Variants in BBS9 observed in about 807,000 individuals in gnomAD.
BBS9 encodes the protein Bardet-Biedl syndrome 9, also known as protein PTHB1.
A neutral mutation model predicts 117.7 loss-of-function variants in BBS9; 89 were observed. The ratio of observed to expected loss-of-function variants is 0.76; its 90% confidence interval spans 0.64 to 0.90. The LOEUF (loss-of-function observed/expected upper bound fraction) is 0.90, where lower values mean the gene tolerates loss of function less well. Among genes scored for constraint, BBS9 ranks in the 40% least tolerant of loss-of-function variants. BBS9 has a pLI of 0.00. For synonymous variants in BBS9, 379 were observed against 370.9 expected, an observed-to-expected ratio of 1.02 and a Z score of -0.25; for missense variants, 982 against 1,042.2, an observed-to-expected ratio of 0.94 and a Z score of 0.80.
chr7:33,520,835 T>C (rs1007498966), intron 20 of BBS9, among the ~76,000 whole-genome samples: 6 of 152,214 alleles, frequency 3.9e-5, no homozygotes, highest in Admixed American at 1.3e-4. Context: ...TGGTAATTTA[T>C]CACTATCTTG....
At chr7:33,523,275 T>A (rs2129045144) in intron 20 of BBS9, among the ~76,000 whole-genome samples, 1 of 146,026 alleles carries the variant, frequency 6.8e-6, no homozygotes, top group African/African-American at 2.6e-5. Flanking sequence ...TTTTTTCCAA[T>A]TCTGTGAAGA....
intron 12 of BBS9, among the ~76,000 whole-genome samples, chr7:33,347,892 C>T (rs1817895355): frequency 1.3e-5 from 2 of 151,690 alleles, no homozygotes; most frequent in South Asian, 2.1e-4. Context: ...ACTGAACTGC[C>T]GTATAGAAAA....
chr7:33,385,759 TAC>T (rs1825890387), intron 18 of BBS9, among the ~76,000 whole-genome samples: 1 of 152,070 alleles, frequency 6.6e-6, no homozygotes, highest in Non-Finnish European at 1.5e-5. Flanking sequence ...ATATTTTTAT[TAC>T]AGGAAATAAA....
At chr7:33,455,731 A>T (rs1264236201) in intron 19 of BBS9, among the ~76,000 whole-genome samples, 3 of 152,174 alleles carry the variant, frequency 2.0e-5, no homozygotes, top group African/African-American at 7.2e-5. Context: ...CCGTGTCTGA[A>T]TTGGGTCCCC....
At chr7:33,438,090 TG>T (rs755327584) in intron 19 of BBS9, among the ~76,000 whole-genome samples, 1 of 152,206 alleles carries the variant, frequency 6.6e-6, no homozygotes, top group African/African-American at 2.4e-5. Flanking sequence ...GAACATATTG[TG>T]GTGTTTTTAT....
chr7:33,344,287 T>A (rs933987133), intron 11 of BBS9, among the ~76,000 whole-genome samples: 2 of 151,686 alleles, frequency 1.3e-5, no homozygotes, highest in Non-Finnish European at 2.9e-5. Context: ...TTCACGGTGG[T>A]CTCGATCTCC....
intron 21 of BBS9, among the ~76,000 whole-genome samples, chr7:33,597,337 A>G (rs1369154568): frequency 6.6e-6 from 1 of 152,160 alleles, no homozygotes; most frequent in Non-Finnish European, 1.5e-5. Context: ...GCTGTTTTTA[A>G]TTCTTAGTGG....
rs1300826416 is a variant in BBS9 at position 33,129,817 on chromosome 7, GC to G, written c.-235del. ...GGGGGAATCACTCCAACTCTGTGGA[GC>G]TGGTGGTGCTGCCTGGTGGGGCTCT... is the stretch of plus-strand genomic sequence containing the variant. On this transcript the variant is annotated 5_prime_UTR_variant, in exon 1 of 23. The change abolishes the stop of an existing upstream ORF in the 5' untranslated region. Transcript: ENST00000242067. 6.6e-6 allele frequency: 1 copy of G among 152,232 alleles called. No individual in the cohort carries two copies. The highest frequency in any genetic ancestry group is 1.5e-5 in the Non-Finnish European group (1 of 68,104). The allele number at this position is 152,232 out of a possible 1,614,324, so 9.4% of individuals were successfully genotyped here.
chr7:33,296,348 C>T (rs17398251), intron 9 of BBS9, among the ~76,000 whole-genome samples: 15,858 of 152,056 alleles, frequency 0.1, 1,163 homozygotes, highest in Non-Finnish European at 0.16. Flanking sequence ...GACATTTGAT[C>T]GTATTTTGAT....
At chr7:33,311,765 C>T (rs1010850256) in intron 9 of BBS9, among the ~76,000 whole-genome samples, 2 of 151,450 alleles carry the variant, frequency 1.3e-5, no homozygotes, top group African/African-American at 4.8e-5. Context: ...TGCAGTGAGC[C>T]AAGATCGCAC....
At chr7:33,518,242 A>ATT (rs1848089792) in intron 20 of BBS9, among the ~76,000 whole-genome samples, 1 of 134,286 alleles carries the variant, frequency 7.4e-6, no homozygotes. Context: ...TTTTGTATAT[A>ATT]TTCTTTTTTT....
At chr7:33,586,155 A>G (rs1860848836) in intron 21 of BBS9, among the ~76,000 whole-genome samples, 1 of 152,088 alleles carries the variant, frequency 6.6e-6, no homozygotes, top group African/African-American at 2.4e-5. Context: ...TGGGACATAA[A>G]GGTGCAGATT....
At chr7:33,239,313 A>G (rs924283760) in intron 5 of BBS9, among the ~76,000 whole-genome samples, 7 of 152,186 alleles carry the variant, frequency 4.6e-5, no homozygotes, top group African/African-American at 1.7e-4. Flanking sequence ...ACCCTGTAAA[A>G]TAGGTGATCA....
At chr7:33,222,329 T>C (rs948726651) in intron 5 of BBS9, among the ~76,000 whole-genome samples, 3 of 152,200 alleles carry the variant, frequency 2.0e-5, no homozygotes, top group African/African-American at 7.2e-5. Context: ...GCTAGCAGAA[T>C]GCATGGAATG....
chr7:33,530,786 A>G (rs1850455548), intron 20 of BBS9, among the ~76,000 whole-genome samples: 1 of 152,232 alleles, frequency 6.6e-6, no homozygotes, highest in Admixed American at 6.5e-5. Context: ...AGGATTTTCA[A>G]GATGACTTTA....
chr7:33,207,271 T>C (rs1357445835), intron 5 of BBS9, among the ~76,000 whole-genome samples: 1 of 152,220 alleles, frequency 6.6e-6, no homozygotes, highest in Non-Finnish European at 1.5e-5. Context: ...TGCAATAATC[T>C]TTACTGTGGT....
intron 4 of BBS9, among the ~76,000 whole-genome samples, chr7:33,156,303 A>T (rs1010958769): frequency 2.6e-5 from 4 of 152,154 alleles, no homozygotes; most frequent in Admixed American, 2.0e-4. Flanking sequence ...TAACTTAAAA[A>T]TTTTTATTTC....
intron 17 of BBS9, among the ~76,000 whole-genome samples, chr7:33,370,340 C>T (rs985482512): frequency 6.6e-6 from 1 of 151,370 alleles, no homozygotes; most frequent in South Asian, 2.1e-4. Flanking sequence ...TGTGGTGGCA[C>T]ATGAATGTAG....
At chr7:33,593,403 TTTTTGTTTTG>T (rs1314738185) in intron 21 of BBS9, among the ~76,000 whole-genome samples, 2 of 152,136 alleles carry the variant, frequency 1.3e-5, no homozygotes, top group African/African-American at 4.8e-5. Context: ...GTAGAGGTTT[TTTTTGTTTTG>T]TTTTGTTTTG....
Sources: allele counts gnomAD v4.1 joint callset (sites outside exome capture counted in the v4.1 genomes callset), GRCh38; gene constraint gnomAD v4.1.1; transcripts MANE v1.5; gene names NCBI Gene and HGNC (gene_info 2026-07-23, HGNC 2026-07-21).